PHLPP1: variants seen among roughly 807,000 people sequenced by gnomAD.
PHLPP1 encodes PH domain leucine-rich repeat-containing protein phosphatase 1.
Under a neutral mutation model 117.2 loss-of-function variants are expected in PHLPP1, and 42 were observed. The ratio of observed to expected loss-of-function variants is 0.36; its 90% CI spans 0.28 to 0.46. The LOEUF (loss-of-function observed/expected upper bound fraction) is 0.46. Among genes scored for constraint, PHLPP1 ranks in the 20% least tolerant of loss-of-function variants. PHLPP1 has a pLI of 1.00. For synonymous variants in PHLPP1, 1,042 were observed against 970.7 expected (o/e 1.07, Z -1.37); for missense variants, 2,084 against 2,241.9 (o/e 0.93, Z 1.42).
At chr18:62,945,032 C>A in intron 11 of PHLPP1, 77 bp from the exon 12 acceptor site, 1 of 1,099,600 alleles carries the variant, frequency 9.1e-7, no homozygotes, top group South Asian at 1.8e-5. Flanking sequence ...TCCTTAAAGT[C>A]ATAGCAATTT....
chr18:62,915,664 G>A (rs1909247143), intron 9 of PHLPP1, among the ~76,000 whole-genome samples: 1 of 152,132 alleles, frequency 6.6e-6, no homozygotes, highest in Admixed American at 6.5e-5. Flanking sequence ...AAATATTAGT[G>A]GACTTTTAGT....
Position 62,963,427 on chromosome 18 carries a change from C to A in PHLPP1, c.3515C>A (p.Ala1172Asp), listed in dbSNP as rs756648636. ...ACAGGAGACGCTTCCGGAGCCCCAG[C>A]TGTATGGAGTCATGGTTACACTGAA... Reference protein sequence around the residue: ...PSTGDASGAPAVWSHGYTEAS... With the variant: ...PSTGDASGAPDVWSHGYTEAS... The change falls in exon 14 of 17, where the codon GCT becomes GAT. Residue 1172 changes from alanine to aspartate, a missense_variant. This residue lies in a region of PHLPP1 where 1,365 missense variants were observed against 1,605.9 expected (regional missense o/e 0.85). Transcript: ENST00000262719. 6.2e-7 allele frequency: 1 copy of A among 1,613,300 alleles called. No individual in the cohort carries two copies. Among genetic ancestry groups the A allele is most frequent in the Non-Finnish European group, 8.5e-7 (1 of 1,179,634 alleles).
At chr18:62,920,603 A>G (rs1909430122) in intron 10 of PHLPP1, among the ~76,000 whole-genome samples, 1 of 152,270 alleles carries the variant, frequency 6.6e-6, no homozygotes, top group African/African-American at 2.4e-5. Context: ...TCTGTCGCCT[A>G]CGCTGGAGTG....
intron 1 of PHLPP1, among the ~76,000 whole-genome samples, chr18:62,817,673 G>C (rs1914326199): frequency 6.6e-6 from 1 of 151,804 alleles, no homozygotes; most frequent in Non-Finnish European, 1.5e-5. Flanking sequence ...TAAAATAATG[G>C]CTGAAAAAAT....
intron 4 of PHLPP1, among the ~76,000 whole-genome samples, chr18:62,864,946 G>T (rs371288607): frequency 9.2e-5 from 14 of 152,242 alleles, no homozygotes; most frequent in African/African-American, 3.4e-4. Context: ...CTTCAGTCTC[G>T]CATTTTCACC....
At chr18:62,766,562 G>A (rs191099106) in intron 1 of PHLPP1, among the ~76,000 whole-genome samples, 146 of 152,258 alleles carry the variant, frequency 9.6e-4, no homozygotes, top group Non-Finnish European at 1.7e-3. Context: ...CCTGTGACTA[G>A]GTAGAGAAAC....
intron 2 of PHLPP1, 68 bp downstream of exon 2, chr18:62,830,299 G>A (rs1168640541): frequency 5.1e-6 from 7 of 1,371,188 alleles, no homozygotes; most frequent in Non-Finnish European, 7.0e-6. Context: ...CAAGTGTAGT[G>A]GCGTGGTCTC....
intron 1 of PHLPP1, among the ~76,000 whole-genome samples, chr18:62,817,851 C>CTTTTT (rs71340119): frequency 1.2e-5 from 1 of 85,966 alleles, no homozygotes; most frequent in Non-Finnish European, 2.2e-5. Flanking sequence ...TGGCAACAGA[C>CTTTTT]TTTTTTTTTT....
Position 62,905,226 on chromosome 18 carries a change from C to A in PHLPP1, c.2650C>A (p.Leu884Ile). The stretch of plus-strand genomic sequence containing the variant: ...GGGGTTTTTTTTTTTCTTCCTAGAA[C>A]TTGTTCAACTTGATGTTTACCCAGT... ...LKALYASSNE[L>I]VQLDVYPVPN... The change falls in exon 8 of 17, where the codon CTT becomes ATT. Residue 884 changes from leucine (L) to isoleucine (I), a missense_variant and splice_region_variant. Physicochemically the swap from Leu to Ile is conservative, Grantham distance 5. This residue lies in a region of PHLPP1 where 1,365 missense variants were observed against 1,605.9 expected (regional missense o/e 0.85). Transcript: ENST00000262719. 1.3e-6 allele frequency: 2 copies of A among 1,527,912 alleles called. No homozygotes were observed. The highest frequency in any genetic ancestry group is 1.4e-5 in the South Asian group (1 of 73,684). The allele number at this position is 1,527,912 out of a possible 1,614,324, so 94.6% of individuals were successfully genotyped here. A position where few individuals can be genotyped will look rare whatever the true frequency, so the allele number is the denominator to read the frequency against.
At chr18:62,878,335 G>A (rs1005216228) in intron 4 of PHLPP1, among the ~76,000 whole-genome samples, 1 of 152,068 alleles carries the variant, frequency 6.6e-6, no homozygotes, top group East Asian at 1.9e-4. Context: ...TTTGGTTGCC[G>A]GTATGAGAAT....
At chr18:62,889,808 A>G (rs572649342) in intron 4 of PHLPP1, 2 of 152,360 alleles carry the variant, frequency 1.3e-5, no homozygotes, top group Admixed American at 6.5e-5. Context: ...TTTCAATAAT[A>G]TATTCTTATT....
chr18:62,888,287 A>ATGTGTGTGTG (rs200659921), intron 4 of PHLPP1, among the ~76,000 whole-genome samples: 188 of 130,896 alleles, frequency 1.4e-3, no homozygotes, highest in Admixed American at 1.5e-3. Context: ...ATTTCACAAA[A>ATGTGTGTGTG]TGTGTGTGTG....
At chr18:62,843,092 A>G (rs1568135066) in intron 3 of PHLPP1, 2 of 152,194 alleles carry the variant, frequency 1.3e-5, no homozygotes, top group Admixed American at 6.5e-5. Flanking sequence ...TTAGGAAGTT[A>G]TATCATTTAG....
At chr18:62,917,188 A>G (rs1909313215) in intron 9 of PHLPP1, among the ~76,000 whole-genome samples, 1 of 147,834 alleles carries the variant, frequency 6.8e-6, no homozygotes, top group Non-Finnish European at 1.5e-5. Context: ...TATATATTAT[A>G]CATTAACATA....
At chr18:62,933,108 C>G (rs1169373244) in intron 10 of PHLPP1, among the ~76,000 whole-genome samples, 3 of 152,130 alleles carry the variant, frequency 2.0e-5, no homozygotes, top group Admixed American at 6.5e-5. Context: ...TGAAAGAAAT[C>G]AGAGATGACA....
intron 3 of PHLPP1, among the ~76,000 whole-genome samples, chr18:62,850,324 G>T (rs1338580388): frequency 1.4e-5 from 2 of 141,324 alleles, no homozygotes; most frequent in African/African-American, 5.2e-5. Context: ...GAAGGTGGAG[G>T]TTGCAGTGAG....
intron 1 of PHLPP1, among the ~76,000 whole-genome samples, chr18:62,816,781 A>C (rs1914290840): frequency 6.6e-6 from 1 of 152,136 alleles, no homozygotes; most frequent in African/African-American, 2.4e-5. Flanking sequence ...CTGTTTATAT[A>C]TCTTTATTTT....
chr18:62,856,722 C>T (rs1437737881), intron 3 of PHLPP1, among the ~76,000 whole-genome samples: 1 of 152,196 alleles, frequency 6.6e-6, no homozygotes, highest in Non-Finnish European at 1.5e-5. Context: ...GCATGAGCCA[C>T]CATGCCTAGC....
Position 62,934,776 on chromosome 18 carries a change from C to T in PHLPP1, c.2961-6942C>T, listed in dbSNP as rs575278326. ...GAAACAACCCAAATGTTCCTCAGCT[C>T]ATGTGTGGATAAACAAGGTGTAGCC... On this transcript the variant is annotated intron_variant, in intron 10 of 16. Coordinates refer to ENST00000262719, the MANE Select transcript of PHLPP1 (RefSeq NM_194449.4). Among the ~76,000 whole-genome samples the T allele has an allele frequency of 4.3e-4, 65 of 152,280 alleles. No homozygotes were observed. In the South Asian group the frequency reaches 5.0e-3, roughly 12 times the overall value.
Sources: gnomAD v4.1 joint callset for allele counts (sites outside exome capture counted in the v4.1 genomes callset) on GRCh38, gnomAD v4.1.1 for gene constraint, gnomAD v4.1.1 regional missense constraint, MANE v1.5 for transcripts, NCBI Gene and HGNC (gene_info 2026-07-23, HGNC 2026-07-21) for gene names.